Variants in PIGL observed in about 807,000 individuals in gnomAD.
The protein encoded by PIGL is phosphatidylinositol glycan anchor biosynthesis class L.
PIGL carries 22 observed loss-of-function variants against 31.1 expected under a neutral mutation model. That is an observed-to-expected ratio of 0.71 (90% CI 0.51 to 1.01). PIGL has a LOEUF of 1.01. Among genes scored for constraint, PIGL ranks in the 50% least tolerant of loss-of-function variants. PIGL has a pLI of 0.00. For missense variants in PIGL, 302 were observed against 315.9 expected (o/e 0.96, Z 0.33); for synonymous variants, 131 against 117.4 (o/e 1.12, Z -0.75).
At chr17:16,223,309 T>C (rs2092637525) in intron 1 of PIGL, among the ~76,000 whole-genome samples, 1 of 152,174 alleles carries the variant, frequency 6.6e-6, no homozygotes, top group African/African-American at 2.4e-5. Flanking sequence ...CCAGGCGCAG[T>C]GGCTCGTGCC....
Position 16,220,489 on chromosome 17 carries a change from T to TA in PIGL, c.235+3028_235+3029insA, listed in dbSNP as rs749097624. Among the ~76,000 whole-genome samples, 105 of 139,582 alleles carry TA rather than the reference T, an allele frequency of 7.5e-4. 1 individual carries two copies. The highest frequency in any genetic ancestry group is 1.5e-3 in the Non-Finnish European group (95 of 64,338). 91.6% of individuals were successfully genotyped at this position (139,582 alleles called of 152,430 possible). ...GTTTTTTTAAATTGTTATTTTTTTT[T>TA]TTTTTTTTTTTTTTTTTGAGGCAGA... is the stretch of plus-strand genomic sequence containing the variant. On this transcript the variant is annotated intron_variant, in intron 1 of 6. Transcript: ENST00000225609.
chr17:16,308,217 C>A (rs1235100058), intron 3 of PIGL, among the ~76,000 whole-genome samples: 1 of 151,944 alleles, frequency 6.6e-6, no homozygotes, highest in Non-Finnish European at 1.5e-5. Flanking sequence ...CCTGTAATCC[C>A]AGCTACTCAG....
chr17:16,226,724 T>C (rs2092653788), intron 1 of PIGL, among the ~76,000 whole-genome samples: 1 of 152,198 alleles, frequency 6.6e-6, no homozygotes. Flanking sequence ...AGCCCCACCA[T>C]ATCTGTCTAG....
intron 2 of PIGL, among the ~76,000 whole-genome samples, chr17:16,297,942 C>T (rs952668824): frequency 6.6e-6 from 1 of 152,180 alleles, no homozygotes; most frequent in Admixed American, 6.5e-5. Flanking sequence ...AGCATTACTG[C>T]CTGAGCTCTG....
intron 2 of PIGL, among the ~76,000 whole-genome samples, chr17:16,272,107 A>G (rs994900774): frequency 1.3e-5 from 2 of 152,168 alleles, no homozygotes; most frequent in Non-Finnish European, 2.9e-5. Flanking sequence ...ATTTTGTGAA[A>G]GTCAGTGTCA....
intron 2 of PIGL, among the ~76,000 whole-genome samples, chr17:16,292,479 C>T (rs2092965235): frequency 1.3e-5 from 2 of 151,578 alleles, no homozygotes; most frequent in African/African-American, 2.4e-5. Flanking sequence ...AGAGTTCTTA[C>T]AAGAGAGATC....
intron 1 of PIGL, among the ~76,000 whole-genome samples, chr17:16,219,065 A>ATTTTTTTTTTTTTT (rs766541353): frequency 1.2e-5 from 1 of 81,642 alleles, no homozygotes; most frequent in African/African-American, 4.2e-5. Context: ...TTTTTTATAA[A>ATTTTTTTTTTTTTT]TTTTTTTTTT....
chr17:16,269,174 C>T (rs980313085), intron 2 of PIGL, among the ~76,000 whole-genome samples: 2 of 152,180 alleles, frequency 1.3e-5, no homozygotes, highest in African/African-American at 2.4e-5. Flanking sequence ...GAAACTGAGT[C>T]GGGGGAGATT....
chr17:16,297,762 T>C (rs2092988705), intron 2 of PIGL, among the ~76,000 whole-genome samples: 1 of 152,166 alleles, frequency 6.6e-6, no homozygotes, highest in African/African-American at 2.4e-5. Flanking sequence ...AGGAGCACTA[T>C]GAGAACCACG....
intron 2 of PIGL, among the ~76,000 whole-genome samples, chr17:16,269,234 C>A (rs2092859219): frequency 6.6e-6 from 1 of 152,228 alleles, no homozygotes. Context: ...GTCATCTCTG[C>A]TTTAGCTGAC....
intron 5 of PIGL, chr17:16,316,991 ATTC>A (rs2093080733): frequency 8.2e-7 from 1 of 1,223,644 alleles, no homozygotes; most frequent in East Asian, 3.6e-5. Context: ...CACCTCTGGT[ATTC>A]TTCCAGTCTG....
At chr17:16,283,993 G>C (rs80256381) in intron 2 of PIGL, 2 of 144,032 alleles carry the variant, frequency 1.4e-5, no homozygotes, top group African/African-American at 2.6e-5. Flanking sequence ...TTTTTGTTTT[G>C]AGACGGAGTT....
intron 3 of PIGL, among the ~76,000 whole-genome samples, chr17:16,312,075 C>T (rs1356739093): frequency 1.4e-5 from 2 of 144,368 alleles, no homozygotes; most frequent in East Asian, 4.2e-4. Context: ...GGGTGGCTGG[C>T]CGGGTGGGGG....
At position 16,316,816 on chromosome 17, in the gene PIGL, G is replaced by A. The variant is rs550423471; in HGVS notation, c.526+104G>A. On this transcript the variant is annotated intron_variant, in intron 5 of 6. Coordinates refer to ENST00000225609, the MANE Select transcript of PIGL (RefSeq NM_004278.4). ...ACAGAGAGCTGCCCTCAGCCGAGCA[G>A]AGGCAGTGGTTGGGGAGGCCGCCAC... 63 of 1,559,072 alleles carry A rather than the reference G, an allele frequency of 4.0e-5. No homozygotes were observed. In the South Asian group the frequency reaches 7.2e-4, roughly 18 times the overall value.
At chr17:16,220,491 T>A (rs932839456) in intron 1 of PIGL, among the ~76,000 whole-genome samples, 13,157 of 138,092 alleles carry the variant, frequency 0.095, 973 homozygotes, top group African/African-American at 0.13. Flanking sequence ...TTTTTTTTTT[T>A]TTTTTTTTTT....
chr17:16,318,950 C>T (rs952429856), intron 6 of PIGL, among the ~76,000 whole-genome samples: 1 of 149,698 alleles, frequency 6.7e-6, no homozygotes, highest in Non-Finnish European at 1.5e-5. Context: ...CAACAAAAAA[C>T]CTGCTTTAAC....
At chr17:16,300,116 C>G in intron 3 of PIGL, 138 bp downstream of exon 3, 1 of 646,156 alleles carries the variant, frequency 1.5e-6, no homozygotes, top group South Asian at 1.8e-5. Flanking sequence ...GCCAGAACTT[C>G]CAATGCTCAC....
At chr17:16,313,789 C>T (rs1295596091) in intron 4 of PIGL, among the ~76,000 whole-genome samples, 175 bp downstream of exon 4, 1 of 152,218 alleles carries the variant, frequency 6.6e-6, no homozygotes, top group Admixed American at 6.5e-5. Context: ...TGTCCTCTCG[C>T]TGAGAAATCT....
intron 2 of PIGL, among the ~76,000 whole-genome samples, chr17:16,235,748 C>T (rs1240423098): frequency 7.3e-5 from 10 of 137,602 alleles, no homozygotes; most frequent in Non-Finnish European, 1.2e-4. Context: ...CCACTGTGTC[C>T]GGTCTTTTTT....
Sources: allele counts gnomAD v4.1 joint callset (sites outside exome capture counted in the v4.1 genomes callset), GRCh38; gene constraint gnomAD v4.1.1; transcripts MANE v1.5; gene names NCBI Gene and HGNC (gene_info 2026-07-23, HGNC 2026-07-21).